The following BDP1 variants were observed in gnomAD, a reference collection of about 807,000 sequenced individuals.
The protein encoded by BDP1 is BDP1 general transcription factor IIIB subunit, also known as transcription factor TFIIIB component B'' homolog.
In BDP1, 169 loss-of-function variants were observed where a neutral mutation model predicts 266.6. That is an observed-to-expected ratio of 0.63 (90% CI 0.56 to 0.72). BDP1 has a LOEUF of 0.72. BDP1 is among the 30% of genes least tolerant of loss of function. The pLI, the probability that BDP1 is intolerant of heterozygous loss-of-function variation, is 0.00. For synonymous variants in BDP1, 1,090 were observed against 1,022.4 expected (o/e 1.07, Z -1.26); for missense variants, 3,015 against 3,053.8 (o/e 0.99, Z 0.30).
chr5:71,485,532 T>C (rs1400608739), intron 8 of BDP1, among the ~76,000 whole-genome samples: 1 of 152,146 alleles, frequency 6.6e-6, no homozygotes, highest in Non-Finnish European at 1.5e-5. Context: ...TTCCAGAGAT[T>C]CTTTTTATTT....
At chr5:71,571,201 G>T (rs1388862740), downstream of BDP1, among the ~76,000 whole-genome samples, 2 of 152,014 alleles carry the variant, frequency 1.3e-5, no homozygotes, top group Non-Finnish European at 2.9e-5. Context: ...CTGGAGGGCA[G>T]TGGCACGATC....
chr5:71,501,598 A>G lies in BDP1; in HGVS notation c.1993A>G (p.Ile665Val), dbSNP rs775230795. The G allele has an allele frequency of 1.2e-6, 2 of 1,607,042 alleles. No homozygotes were observed. The highest frequency in any genetic ancestry group is 2.2e-5 in the East Asian group (1 of 44,724). Reference sequence around the variant, plus strand: ...AAAAGATAAAATGAATACATTGGACATTTTGAGAATGGAGACTACAGAGAG... The same window carrying G: ...AAAAGATAAAATGAATACATTGGACGTTTTGAGAATGGAGACTACAGAGAG... ...VEKDKMNTLD[I>V]LRMETTEREN... Residue 665 changes from isoleucine (I) to valine (V), a missense_variant, in exon 14 of 39, where the codon ATT becomes GTT. Transcript: ENST00000358731.
chr5:71,466,775 G>C (rs1382810687), intron 5 of BDP1, among the ~76,000 whole-genome samples: 1 of 152,044 alleles, frequency 6.6e-6, no homozygotes, highest in Non-Finnish European at 1.5e-5. Flanking sequence ...TGATAAATTA[G>C]TAAGTAAATA....
At chr5:71,545,340 C>CTTTT in intron 32 of BDP1, 121 bp downstream of exon 32, 1 of 825,142 alleles carries the variant, frequency 1.2e-6, no homozygotes, top group Non-Finnish European at 1.8e-6. Context: ...TTTATTTCTT[C>CTTTT]TTTTTTTTTT....
intron 32 of BDP1, among the ~76,000 whole-genome samples, chr5:71,546,992 T>G (rs921950771): frequency 3.9e-5 from 6 of 151,984 alleles, no homozygotes; most frequent in African/African-American, 1.4e-4. Flanking sequence ...ATTAAAGGTG[T>G]GTCCCACCAC....
chr5:71,465,765 C>T (rs1761867963), intron 4 of BDP1, among the ~76,000 whole-genome samples: 1 of 152,082 alleles, frequency 6.6e-6, no homozygotes, highest in Non-Finnish European at 1.5e-5. Flanking sequence ...CCTGTAATCC[C>T]AGCTACTGGG....
At chr5:71,544,753 G>A (rs536784226) in intron 31 of BDP1, among the ~76,000 whole-genome samples, 14 of 151,798 alleles carry the variant, frequency 9.2e-5, no homozygotes, top group Admixed American at 2.0e-4. Flanking sequence ...GGTGGCGGGC[G>A]TCTGTAGTTG....
In BDP1 at chr5:71,541,505, C is replaced by A; in HGVS notation, c.6074C>A (p.Pro2025His). Residue 2025 changes from proline (P) to histidine (H), a missense_variant, in exon 29 of 39, where the codon CCT becomes CAT. Coordinates refer to ENST00000358731, the MANE Select transcript of BDP1 (RefSeq NM_018429.3). ...HVHSKDKSHIPSSLDNVNHKI... is the reference protein window; with the variant it reads ...HVHSKDKSHIHSSLDNVNHKI... Reference sequence around the variant, plus strand: ...CATTCAAAGGATAAAAGCCATATTCCTTCTAGCCTAGATAATGTAAATCAC... The same window carrying A: ...CATTCAAAGGATAAAAGCCATATTCATTCTAGCCTAGATAATGTAAATCAC... 2 of 1,607,122 alleles carry A rather than the reference C, an allele frequency of 1.2e-6. No individual in the cohort carries two copies. Among genetic ancestry groups the A allele is most frequent in the Non-Finnish European group, 1.7e-6 (2 of 1,175,372 alleles).
downstream of BDP1, among the ~76,000 whole-genome samples, chr5:71,572,791 C>G: frequency 6.6e-6 from 1 of 152,160 alleles, no homozygotes. Context: ...GAAAAAAGGT[C>G]TTAAAGTTGA....
intron 3 of BDP1, among the ~76,000 whole-genome samples, chr5:71,462,534 G>A (rs1455260086): frequency 6.6e-6 from 1 of 152,022 alleles, no homozygotes; most frequent in Non-Finnish European, 1.5e-5. Context: ...TGTGTGGGCC[G>A]CCTGAGTCCA....
intron 7 of BDP1, among the ~76,000 whole-genome samples, chr5:71,474,146 A>AT (rs1762444799): frequency 1.3e-5 from 2 of 150,818 alleles, no homozygotes; most frequent in Admixed American, 1.3e-4. Context: ...TGCCCAGCTA[A>AT]TTTTTTTGTA....
At position 71,562,483 on chromosome 5, in the gene BDP1, C is replaced by T. The variant is rs745816079; in HGVS notation, c.7706C>T (p.Thr2569Ile). Residue 2569 changes from threonine (T) to isoleucine (I), a missense_variant, in exon 38 of 39, where the codon ACT becomes ATT. Physicochemically the swap from Thr to Ile is moderately conservative, Grantham distance 89 (BLOSUM62 -1). Around this residue, in one of 3 missense-constraint regions of BDP1, gnomAD observed 629 missense variants for 632.5 expected, o/e 0.99. Coordinates refer to ENST00000358731, the MANE Select transcript of BDP1 (RefSeq NM_018429.3). ...CTGCTTCCATCTCCAAGTGTTATTACTACTCAATCTGAGAATATTAGCAGC... is the reference window on the plus strand; with the variant it reads ...CTGCTTCCATCTCCAAGTGTTATTATTACTCAATCTGAGAATATTAGCAGC... The part of the protein sequence containing the change: ...SDLLPSPSVI[T>I]TQSENISSSA... The T allele has an allele frequency of 1.3e-4, 213 of 1,613,762 alleles. No homozygotes were observed. Among genetic ancestry groups the T allele is most frequent in the Non-Finnish European group, 1.7e-4 (197 of 1,179,884 alleles).
Position 71,504,636 on chromosome 5 carries a change from G to A in BDP1, c.2257G>A (p.Glu753Lys). 2 of 1,613,272 alleles carry A rather than the reference G, an allele frequency of 1.2e-6. No individual in the cohort carries two copies. The highest frequency in any genetic ancestry group is 1.7e-6 in the Non-Finnish European group (2 of 1,179,662). The change falls in exon 16 of 39, where the codon GAA becomes AAA. Residue 753 changes from glutamate (E) to lysine (K), a missense_variant. By Grantham distance (56) the Glu-to-Lys change is moderately conservative (BLOSUM62 1). This residue lies in a region of BDP1 where 2,383 missense variants were observed against 2,404.9 expected (regional missense o/e 0.99). Coordinates refer to ENST00000358731, the MANE Select transcript of BDP1 (RefSeq NM_018429.3). The part of the protein sequence containing the change: ...CADRDTPQHM[E>K]DQSRKDFEEE... ...TGTTTTTAAGACTCCTCAACACATG[G>A]AAGATCAATCGCGTAAAGATTTTGA...
At chr5:71,545,476 C>A in intron 32 of BDP1, 1 of 450,910 alleles carries the variant, frequency 2.2e-6, no homozygotes. Flanking sequence ...GGACTACAGG[C>A]ATGTGTCACC....
intron 8 of BDP1, among the ~76,000 whole-genome samples, chr5:71,485,374 T>C (rs939412716): frequency 3.3e-5 from 5 of 152,168 alleles, no homozygotes; most frequent in Non-Finnish European, 5.9e-5. Flanking sequence ...AGAGAACTTA[T>C]GTTTTGAATT....
intron 11 of BDP1, chr5:71,494,749 T>C (rs1219981882): frequency 6.6e-6 from 1 of 152,250 alleles, no homozygotes; most frequent in African/African-American, 2.4e-5. Context: ...AGAGCTTTGC[T>C]CTGTCACCCA....
intron 34 of BDP1, 150 bp from the exon 35 acceptor site, chr5:71,552,966 A>C (rs1170393610): frequency 1.5e-6 from 1 of 648,508 alleles, no homozygotes; most frequent in Non-Finnish European, 2.6e-6. Context: ...TGTATCTCTT[A>C]GTTTGGAGTT....
chr5:71,540,367 A>G (rs575766996), intron 28 of BDP1, among the ~76,000 whole-genome samples: 36 of 152,208 alleles, frequency 2.4e-4, no homozygotes, highest in African/African-American at 8.2e-4. Context: ...CGCTCTTGTC[A>G]CCCAGGCTGG....
rs2150571749 is a variant in BDP1, at chr5:71,544,958, G to A, written c.6564-81G>A. 2.8e-6 allele frequency: 3 copies of A among 1,061,564 alleles called. No homozygotes were observed. The Middle Eastern group carries it at 1.1e-3, about 379-fold the overall frequency. 65.8% of individuals were successfully genotyped at this position (1,061,564 alleles called of 1,614,324 possible). ...AAGTTTGAAAACCATTGAATTAGAT[G>A]ATCTTTTACACACCTAGCTCTAAAA... is the stretch of plus-strand genomic sequence containing the variant. On this transcript the variant is annotated intron_variant, in intron 31 of 38. Transcript: ENST00000358731.
Sources: gnomAD v4.1 joint callset for allele counts (sites outside exome capture counted in the v4.1 genomes callset) on GRCh38, gnomAD v4.1.1 for gene constraint, gnomAD v4.1.1 regional missense constraint, MANE v1.5 for transcripts, NCBI Gene and HGNC (gene_info 2026-07-23, HGNC 2026-07-21) for gene names.